Variants in KLHL13 observed in about 807,000 individuals in gnomAD.
KLHL13 encodes the protein kelch like family member 13, also known as kelch-like protein 13.
A neutral mutation model predicts 37.1 loss-of-function variants in KLHL13; 10 were observed. The ratio of observed to expected loss-of-function variants is 0.27; its 90% CI spans 0.17 to 0.46. KLHL13 has a LOEUF of 0.46. Ranked by LOEUF, KLHL13 falls within the 20% of genes least tolerant of loss-of-function variation. KLHL13 has a pLI of 1.00. For synonymous variants in KLHL13, 163 were observed against 181.2 expected (o/e 0.90, Z 0.81); for missense variants, 360 against 509.3 (o/e 0.71, Z 2.82).
At chrX:118,047,742 A>G (rs925203364) in intron 1 of KLHL13, among the ~76,000 whole-genome samples, 2 of 111,730 alleles carry the variant, frequency 1.8e-5, no homozygotes, top group Non-Finnish European at 3.8e-5. Context: ...TATAGCCTTT[A>G]TTTGTGAGAA....
chrX:118,084,724 G>C (rs1376695633), intron 1 of KLHL13, among the ~76,000 whole-genome samples: 1 of 111,349 alleles, frequency 9.0e-6, no homozygotes, highest in African/African-American at 3.3e-5. Context: ...GTACTATGGA[G>C]TTATTAAAAA....
intron 1 of KLHL13, among the ~76,000 whole-genome samples, chrX:117,951,912 A>G (rs755337834): frequency 3.4e-4 from 38 of 112,206 alleles, no homozygotes; most frequent in Non-Finnish European, 5.6e-4. Flanking sequence ...GAGGATACAA[A>G]CAAATGGAAG....
intron 1 of KLHL13, chrX:117,972,649 G>A: frequency 1.2e-6 from 1 of 825,093 alleles, no homozygotes. Context: ...GTTGCTGTTT[G>A]GGGGCTCCCC....
chrX:117,986,986 A>ACT (rs1569433970), intron 1 of KLHL13, among the ~76,000 whole-genome samples: 1 of 111,227 alleles, frequency 9.0e-6, no homozygotes, highest in Non-Finnish European at 1.9e-5. Context: ...GTGCACGCTA[A>ACT]TCTTAGTAAC....
intron 2 of KLHL13, among the ~76,000 whole-genome samples, chrX:117,941,882 A>G (rs1294020114): frequency 9.0e-6 from 1 of 110,582 alleles, no homozygotes; most frequent in African/African-American, 3.3e-5. Flanking sequence ...CTAGCTTTTG[A>G]ATTTGTTTGC....
chrX:118,036,020 G>A (rs1207165494), intron 1 of KLHL13, among the ~76,000 whole-genome samples: 2 of 102,388 alleles, frequency 2.0e-5, no homozygotes, highest in Middle Eastern at 4.7e-3. Context: ...AAAATACCTA[G>A]GAGTCCAACT....
intron 1 of KLHL13, among the ~76,000 whole-genome samples, chrX:118,047,073 T>C (rs2054568567): frequency 9.0e-6 from 1 of 111,448 alleles, no homozygotes; most frequent in African/African-American, 3.3e-5. Context: ...TTCAAACAAG[T>C]AAGAGAAGGG....
chrX:118,017,407 C>T (rs2054138508), intron 1 of KLHL13, among the ~76,000 whole-genome samples: 1 of 111,128 alleles, frequency 9.0e-6, no homozygotes, highest in Non-Finnish European at 1.9e-5. Flanking sequence ...AATTTGAAAG[C>T]GAAAAGGCAA....
chrX:118,045,391 A>T (rs1314347090), intron 1 of KLHL13, among the ~76,000 whole-genome samples: 1 of 109,072 alleles, frequency 9.2e-6, no homozygotes, highest in Non-Finnish European at 1.9e-5. Flanking sequence ...AAAAAAAAGA[A>T]AGAAAAAGAA....
In KLHL13 at chrX:117,901,959, A is replaced by G. The variant is rs1233496659; in HGVS notation, c.1367-13T>C. On this transcript the variant is annotated splice_polypyrimidine_tract_variant and intron_variant, in intron 5 of 6. Coordinates refer to ENST00000262820, the Ensembl canonical transcript of KLHL13. ...CATTCTACTGTGGCTGTTAAAAAAA[A>G]AAAGAAAAGAAAATTATTTTTAACT... 3 of 911,152 alleles carry G rather than the reference A, an allele frequency of 3.3e-6. No individual in the cohort carries two copies. Among genetic ancestry groups the G allele is most frequent in the Non-Finnish European group, 4.7e-6 (3 of 641,320 alleles). The allele number at this position is 911,152 out of a possible 1,213,427, so 75.1% of individuals were successfully genotyped here. A position where few individuals can be genotyped will look rare whatever the true frequency, so the allele number is the denominator to read the frequency against.
chrX:118,070,307 G>A (rs142396013), intron 1 of KLHL13, among the ~76,000 whole-genome samples: 1,305 of 112,608 alleles, frequency 0.012, 25 homozygotes, highest in East Asian at 0.086. Flanking sequence ...GCTATGCAGT[G>A]TTTGTTATTG....
intron 1 of KLHL13, among the ~76,000 whole-genome samples, chrX:118,061,149 GT>G (rs2054736723): frequency 9.0e-6 from 1 of 111,678 alleles, no homozygotes; most frequent in Non-Finnish European, 1.9e-5. Flanking sequence ...AACCTTAAGT[GT>G]TTTTAAATCA....
chrX:118,027,366 G>A (rs1244663255), intron 1 of KLHL13, among the ~76,000 whole-genome samples: 1 of 110,674 alleles, frequency 9.0e-6, no homozygotes, highest in African/African-American at 3.3e-5. Flanking sequence ...CCTTTAAAGA[G>A]CACCCATTTT....
chrX:117,966,435 C>T (rs2053432410), intron 1 of KLHL13, among the ~76,000 whole-genome samples: 1 of 110,959 alleles, frequency 9.0e-6, no homozygotes, highest in Non-Finnish European at 1.9e-5. Flanking sequence ...GAAGAACATT[C>T]CATGCGCATG....
intron 1 of KLHL13, among the ~76,000 whole-genome samples, chrX:118,115,115 T>C (rs2055453683): frequency 8.9e-6 from 1 of 112,634 alleles, no homozygotes; most frequent in African/African-American, 3.2e-5. Context: ...TAATAAGAAC[T>C]TGCAGTTAAG....
chrX:118,042,983 T>G (rs7059461), intron 1 of KLHL13, among the ~76,000 whole-genome samples: 8,804 of 105,512 alleles, frequency 0.083, 338 homozygotes, highest in Middle Eastern at 0.15. Flanking sequence ...GAAACAAAAT[T>G]GACAAACCCT....
At chrX:117,962,396 G>A (rs1602599543) in intron 1 of KLHL13, among the ~76,000 whole-genome samples, 1 of 109,295 alleles carries the variant, frequency 9.1e-6, no homozygotes, top group Non-Finnish European at 1.9e-5. Flanking sequence ...ATACTGACTG[G>A]GGTAGAACCC....
exon 2 of KLHL13, chrX:117,945,506 G>T: frequency 3.3e-6 from 4 of 1,207,872 alleles, no homozygotes; most frequent in Non-Finnish European, 4.5e-6. Flanking sequence ...ACTGCAAATG[G>T]GATGAGAGGC....
chrX:117,967,950 A>C (rs1293486580), intron 1 of KLHL13, among the ~76,000 whole-genome samples: 2 of 111,304 alleles, frequency 1.8e-5, no homozygotes, highest in African/African-American at 3.3e-5. Context: ...TAAAAAAAAT[A>C]ATATAATCTC....
Sources: gnomAD v4.1 joint callset for allele counts (sites outside exome capture counted in the v4.1 genomes callset) on GRCh38, gnomAD v4.1.1 for gene constraint, MANE v1.5 for transcripts, NCBI Gene and HGNC (gene_info 2026-07-23, HGNC 2026-07-21) for gene names.